The following NPAS1 variants were observed in gnomAD, a reference collection of about 807,000 sequenced individuals.
The protein encoded by NPAS1 is neuronal PAS domain-containing protein 1.
A neutral mutation model predicts 49.2 loss-of-function variants in NPAS1; 29 were observed. That is an observed-to-expected ratio of 0.59 (90% CI 0.44 to 0.80). NPAS1 has a LOEUF of 0.80. Ranked by LOEUF, NPAS1 falls within the 30% of genes least tolerant of loss-of-function variation. The pLI is 0.00. For synonymous variants in NPAS1, 408 were observed against 380.4 expected, an observed-to-expected ratio of 1.07 and a Z score of -0.84; for missense variants, 825 against 835.5, an observed-to-expected ratio of 0.99 and a Z score of 0.15.
chr19:47,045,068 A>AC lies in NPAS1; in HGVS notation c.1313-123_1313-122insC, dbSNP rs939609582. 53 of 933,082 alleles carry AC rather than the reference A, an allele frequency of 5.7e-5. No individual in the cohort carries two copies. The East Asian group carries it at 8.7e-4, about 15-fold the overall frequency. The allele number at this position is 933,082 out of a possible 1,614,324, so 57.8% of individuals were successfully genotyped here. A position where few individuals can be genotyped will look rare whatever the true frequency, so the allele number is the denominator to read the frequency against. The stretch of plus-strand genomic sequence containing the variant: ...AAACAAAAACAAAACAAACAAACAA[A>AC]AAAAAAAACCCCACTCCCAGCTGAG... On this transcript the variant is annotated intron_variant, in intron 11 of 11. Coordinates refer to ENST00000602212, the MANE Select transcript of NPAS1 (RefSeq NM_002517.4).
intron 1 of NPAS1, 163 bp from the exon 2 acceptor site, chr19:47,020,843 C>A (rs2056834337): frequency 5.0e-6 from 2 of 399,030 alleles, no homozygotes; most frequent in Admixed American, 4.5e-5. Context: ...CCCGGGCCGG[C>A]TAGGGTGGGA....
At chr19:47,044,048 G>A (rs1263869833) in intron 11 of NPAS1, among the ~76,000 whole-genome samples, 3 of 152,058 alleles carry the variant, frequency 2.0e-5, no homozygotes, top group East Asian at 1.9e-4. Flanking sequence ...CCTGGGTGAC[G>A]GGGTAAGACC....
rs1477284928 is a variant in NPAS1 at position 47,025,367 on chromosome 19, C to A, written c.358+3520C>A. Among the ~76,000 whole-genome samples the A allele has an allele frequency of 2.2e-5, 3 of 133,642 alleles. 1 individual carries two copies. Among genetic ancestry groups the A allele is most frequent in the African/African-American group, 7.5e-5 (3 of 40,210 alleles). The allele number at this position is 133,642 out of a possible 152,430, so 87.7% of individuals were successfully genotyped here. A position where few individuals can be genotyped will look rare whatever the true frequency, so the allele number is the denominator to read the frequency against. On this transcript the variant is annotated intron_variant, in intron 3 of 11. Coordinates refer to ENST00000602212, the MANE Select transcript of NPAS1 (RefSeq NM_002517.4). Reference sequence around the variant, plus strand: ...GATCTCGGCTCACTGCAACCTCCTTCTCCTGGGTTCAAGCGATTCTCCTGC... The same window carrying A: ...GATCTCGGCTCACTGCAACCTCCTTATCCTGGGTTCAAGCGATTCTCCTGC...
intron 3 of NPAS1, among the ~76,000 whole-genome samples, chr19:47,031,920 C>T (rs2056908328): frequency 2.0e-5 from 3 of 152,134 alleles, no homozygotes; most frequent in African/African-American, 4.8e-5. Context: ...TCTGAGAGCC[C>T]AGCAGGAGGC....
intron 3 of NPAS1, among the ~76,000 whole-genome samples, chr19:47,030,114 C>A (rs779403549): frequency 2.0e-5 from 3 of 152,168 alleles, no homozygotes; most frequent in Non-Finnish European, 2.9e-5. Context: ...AGCTCCACCT[C>A]CTGGGTTCAA....
intron 3 of NPAS1, among the ~76,000 whole-genome samples, chr19:47,026,770 T>C (rs984126744): frequency 2.6e-5 from 4 of 152,038 alleles, no homozygotes; most frequent in Non-Finnish European, 5.9e-5. Context: ...GCCTGACCAA[T>C]ATGGTGAAAC....
At chr19:47,026,749 G>A (rs1452834750) in intron 3 of NPAS1, among the ~76,000 whole-genome samples, 3 of 152,174 alleles carry the variant, frequency 2.0e-5, no homozygotes, top group Non-Finnish European at 4.4e-5. Flanking sequence ...GAGGTCAGGA[G>A]TTCAAGACAA....
intron 5 of NPAS1, among the ~76,000 whole-genome samples, chr19:47,034,834 C>T (rs763383766): frequency 5.3e-5 from 8 of 151,688 alleles, no homozygotes; most frequent in Non-Finnish European, 1.2e-4. Flanking sequence ...CAAGATTGCA[C>T]CATTGCACTC....
At chr19:47,033,605 C>A (rs1173618622) in intron 5 of NPAS1, among the ~76,000 whole-genome samples, 1 of 152,048 alleles carries the variant, frequency 6.6e-6, no homozygotes, top group Non-Finnish European at 1.5e-5. Flanking sequence ...ATCAGTTTGC[C>A]AATGACTGGC....
chr19:47,045,109 C>T, intron 11 of NPAS1, 82 bp from the exon 12 acceptor site: 1 of 1,319,570 alleles, frequency 7.6e-7, no homozygotes, highest in Non-Finnish European at 1.1e-6. Flanking sequence ...CAGGTCTGGC[C>T]CACTAAGCAC....
chr19:47,026,827 G>C (rs1302230421), intron 3 of NPAS1, among the ~76,000 whole-genome samples: 1 of 58,246 alleles, frequency 1.7e-5, no homozygotes, highest in Non-Finnish European at 3.4e-5. Flanking sequence ...TGGTGGTGGT[G>C]CCTGTACTCC....
In NPAS1 at chr19:47,032,284, G is replaced by A. The variant is rs1243262803; in HGVS notation, c.365G>A (p.Gly122Asp). Residue 122 changes from glycine (G) to aspartate (D), a missense_variant, in exon 4 of 12, where the codon GGC becomes GAC. Coordinates refer to ENST00000602212, the MANE Select transcript of NPAS1 (RefSeq NM_002517.4). ...ATCCTTCCATCTGCCCCAGCCCCAGGCCGCCGCGGCCCCGCAGCGCTGGTC... is the reference window on the plus strand; with the variant it reads ...ATCCTTCCATCTGCCCCAGCCCCAGACCGCCGCGGCCCCGCAGCGCTGGTC... ...AAGPPAGLAP[G>D]RRGPAALVSE... 1.9e-6 allele frequency: 3 copies of A among 1,613,858 alleles called. No individual in the cohort carries two copies. The Admixed American group carries it at 5.0e-5, about 27-fold the overall frequency.
chr19:47,033,084 C>T (rs752084766), intron 5 of NPAS1, among the ~76,000 whole-genome samples: 27 of 151,844 alleles, frequency 1.8e-4, no homozygotes, highest in East Asian at 7.7e-4. Context: ...GGACTACAGG[C>T]GCCCACCACA....
intron 3 of NPAS1, among the ~76,000 whole-genome samples, chr19:47,023,872 C>T (rs1484935399): frequency 6.6e-6 from 1 of 152,032 alleles, no homozygotes; most frequent in Non-Finnish European, 1.5e-5. Flanking sequence ...TTTGGGAGGC[C>T]AAGGCGGGCA....
chr19:47,032,616 C>A (rs765085488), intron 4 of NPAS1, 27 bp from the exon 5 acceptor site: 24 of 1,601,068 alleles, frequency 1.5e-5, no homozygotes, highest in Non-Finnish European at 2.1e-5. Flanking sequence ...TCCTCTCCTT[C>A]CCCCTCCCTG....
chr19:47,045,078 C>A, intron 11 of NPAS1, 113 bp from the exon 12 acceptor site: 1 of 984,226 alleles, frequency 1.0e-6, no homozygotes, highest in Non-Finnish European at 1.5e-6. Context: ...AAAAAAAAAC[C>A]CCACTCCCAG....
chr19:47,039,006 C>G (rs755322205), intron 6 of NPAS1, 30 bp from the exon 7 acceptor site: 22 of 1,596,226 alleles, frequency 1.4e-5, no homozygotes, highest in Non-Finnish European at 1.8e-5. Flanking sequence ...TCTTCAGGAC[C>G]CCATAACCTT....
intron 5 of NPAS1, among the ~76,000 whole-genome samples, chr19:47,034,314 C>CAAA (rs76817156): frequency 1.6e-4 from 15 of 92,614 alleles, no homozygotes; most frequent in Admixed American, 7.5e-4. Flanking sequence ...AACTCCGTCT[C>CAAA]AAAAAAAAAA....
At chr19:47,040,367 G>A in intron 8 of NPAS1, 77 bp from the exon 9 acceptor site, 1 of 959,384 alleles carries the variant, frequency 1.0e-6, no homozygotes, top group Non-Finnish European at 1.6e-6. Flanking sequence ...TGAACCCCAG[G>A]GGACTCTGGA....
Sources: allele counts gnomAD v4.1 joint callset (sites outside exome capture counted in the v4.1 genomes callset), GRCh38; gene constraint gnomAD v4.1.1; transcripts MANE v1.5; gene names NCBI Gene and HGNC (gene_info 2026-07-23, HGNC 2026-07-21).